ZNF331: variants seen among roughly 807,000 people sequenced by gnomAD.
ZNF331 encodes the protein zinc finger protein 331, also known as C2H2-like zinc finger protein rearranged in thyroid adenomas.
ZNF331 carries 2 observed loss-of-function variants against 7.0 expected under a neutral mutation model. The ratio of observed to expected loss-of-function variants is 0.29; its 90% CI spans 0.12 to 0.90. The LOEUF (loss-of-function observed/expected upper bound fraction) is 0.90, where lower values mean the gene tolerates loss of function less well. Among genes scored for constraint, ZNF331 ranks in the 40% least tolerant of loss-of-function variants. The pLI is 0.58. For missense variants in ZNF331, 432 were observed against 587.7 expected (o/e 0.74, Z 2.74); for synonymous variants, 196 against 205.4 (o/e 0.95, Z 0.39).
At chr19:53,520,497 G>A (rs2087025417), upstream of ZNF331, among the ~76,000 whole-genome samples, 1 of 152,214 alleles carries the variant, frequency 6.6e-6, no homozygotes, top group African/African-American at 2.4e-5. Context: ...AGCAAGCAAA[G>A]TTTCAGGGCA....
At position 53,576,957 on chromosome 19, in the gene ZNF331, T is replaced by C; in HGVS notation, c.397T>C (p.Cys133Arg). 1 of 1,614,238 alleles carries C rather than the reference T, an allele frequency of 6.2e-7. No individual in the cohort carries two copies. Among genetic ancestry groups the C allele is most frequent in the Non-Finnish European group, 8.5e-7 (1 of 1,180,050 alleles). Residue 133 changes from cysteine (C) to arginine (R), a missense_variant, in exon 6 of 6, where the codon TGT (cysteine) becomes CGT (arginine). Cys to Arg is a radical substitution (Grantham distance 180). This residue lies in a region of ZNF331 where 312 missense variants were observed against 448.6 expected (regional missense o/e 0.70). Coordinates refer to ENST00000449416, the MANE Select transcript of ZNF331 (RefSeq NM_001079906.2). ...QRHHKENSFECKDCGKAFSRG... is the reference protein window; with the variant it reads ...QRHHKENSFERKDCGKAFSRG... ...ACATCATAAGGAGAATTCCTTTGAA[T>C]GTAAGGACTGTGGGAAGGCCTTTAG...
chr19:53,545,818 G>A (rs925614796), intron 2 of ZNF331, among the ~76,000 whole-genome samples: 86 of 152,186 alleles, frequency 5.7e-4, no homozygotes, highest in African/African-American at 2.0e-3. Flanking sequence ...AGCCGGACGT[G>A]TTCTCCGTAC....
intron 2 of ZNF331, among the ~76,000 whole-genome samples, chr19:53,551,291 T>G (rs1351174818): frequency 6.6e-6 from 1 of 152,188 alleles, no homozygotes; most frequent in Non-Finnish European, 1.5e-5. Flanking sequence ...GTTAATCATA[T>G]TTGGTATATA....
Position 53,577,679 on chromosome 19 carries a change from C to T in ZNF331, c.1119C>T (p.His373=), listed in dbSNP as rs373832810. The part of the protein sequence containing the change: ...AFNCGYHLTQ[H]ERIHTGETPY... Reference sequence around the variant, plus strand: ...ATTGTGGCTATCACCTCACTCAGCACGAGAGAATCCACACAGGCGAAACCC... The same window carrying T: ...ATTGTGGCTATCACCTCACTCAGCATGAGAGAATCCACACAGGCGAAACCC... The change falls in exon 6 of 6, where the codon CAC becomes CAT. Residue 373 remains histidine, a synonymous_variant. Coordinates refer to ENST00000449416, the MANE Select transcript of ZNF331 (RefSeq NM_001079906.2). 5.5e-5 allele frequency: 88 copies of T among 1,613,500 alleles called. No individual in the cohort carries two copies. Among genetic ancestry groups the T allele is most frequent in the African/African-American group, 9.4e-5 (7 of 74,700 alleles).
At chr19:53,559,870 C>T (rs141012535) in intron 3 of ZNF331, among the ~76,000 whole-genome samples, 12 of 151,142 alleles carry the variant, frequency 7.9e-5, no homozygotes, top group Admixed American at 5.9e-4. Flanking sequence ...CATACACACA[C>T]GAGCATATAC....
intron 2 of ZNF331, among the ~76,000 whole-genome samples, chr19:53,533,062 T>C (rs907233746): frequency 1.3e-5 from 2 of 152,068 alleles, no homozygotes; most frequent in African/African-American, 4.8e-5. Flanking sequence ...GTGTCATTTG[T>C]TCTTTTTCGA....
At chr19:53,520,547 CCA>C, upstream of ZNF331, among the ~76,000 whole-genome samples, 1 of 152,162 alleles carries the variant, frequency 6.6e-6, no homozygotes, top group Non-Finnish European at 1.5e-5. Flanking sequence ...GAAGATTCTG[CCA>C]GTCTGAAATA....
chr19:53,509,043 G>A, the ZNF331 span, among the ~76,000 whole-genome samples: 10 of 152,096 alleles, frequency 6.6e-5, no homozygotes, highest in Admixed American at 2.0e-4. Context: ...CCCAGAAAGA[G>A]TCTCCCTGGA....
At chr19:53,569,444 T>C (rs2090331754) in intron 4 of ZNF331, 59 bp downstream of exon 4, 2 of 1,591,364 alleles carry the variant, frequency 1.3e-6, no homozygotes, top group East Asian at 4.5e-5. Context: ...GTGCATCTGC[T>C]TGTGAATTAT....
chr19:53,515,528 G>A (rs561315099), upstream of ZNF331, among the ~76,000 whole-genome samples: 28 of 152,110 alleles, frequency 1.8e-4, no homozygotes, highest in Non-Finnish European at 2.4e-4. Context: ...ACGGAGTTTC[G>A]TTCTTGTTGC....
At chr19:53,549,452 G>C (rs1288353062) in intron 2 of ZNF331, among the ~76,000 whole-genome samples, 1 of 152,154 alleles carries the variant, frequency 6.6e-6, no homozygotes, top group East Asian at 1.9e-4. Context: ...TGGAGCTAGG[G>C]TTTTTAAGGG....
In ZNF331 at chr19:53,573,105, G is replaced by A. The variant is rs2090543292; in HGVS notation, c.136+1375G>A. Among the ~76,000 whole-genome samples the A allele has an allele frequency of 6.6e-6, 1 of 152,096 alleles. No individual in the cohort carries two copies. Among genetic ancestry groups the A allele is most frequent in the African/African-American group, 2.4e-5 (1 of 41,428 alleles). On this transcript the variant is annotated intron_variant, in intron 5 of 5. Transcript: ENST00000449416. The surrounding 1 kb of genome is among the most constrained non-coding windows in gnomAD (Gnocchi z 4.2). Reference sequence around the variant, plus strand: ...ATGGTGGCGCACGCCTGTGATCTCAGCTACTCCGGAGGCTGGTGCAGGAGA... The same window carrying A: ...ATGGTGGCGCACGCCTGTGATCTCAACTACTCCGGAGGCTGGTGCAGGAGA...
chr19:53,535,593 G>A (rs950940239), upstream of ZNF331, among the ~76,000 whole-genome samples: 3 of 152,166 alleles, frequency 2.0e-5, no homozygotes, highest in African/African-American at 7.2e-5. Context: ...CATTATGTCT[G>A]TGTGCATGTG....
chr19:53,510,523 ATG>A, the ZNF331 span, among the ~76,000 whole-genome samples: 43 of 151,602 alleles, frequency 2.8e-4, no homozygotes, highest in Non-Finnish European at 5.0e-4. Flanking sequence ...TCACTTTGTA[ATG>A]TGTCTTATGC....
intron 2 of ZNF331, among the ~76,000 whole-genome samples, chr19:53,547,692 T>G (rs555900861): frequency 6.6e-6 from 1 of 152,324 alleles, no homozygotes; most frequent in African/African-American, 2.4e-5. Flanking sequence ...TTATTTTTTT[T>G]GTTTGTTTTT....
At chr19:53,546,809 T>G (rs2088648794) in intron 2 of ZNF331, among the ~76,000 whole-genome samples, 1 of 152,226 alleles carries the variant, frequency 6.6e-6, no homozygotes, top group Admixed American at 6.5e-5. Context: ...TTTTTCAATA[T>G]GCAGTAAATC....
chr19:53,552,951 G>A (rs1470466949), intron 2 of ZNF331, among the ~76,000 whole-genome samples: 2 of 152,046 alleles, frequency 1.3e-5, no homozygotes, highest in Admixed American at 1.3e-4. Flanking sequence ...AACTGTTAGA[G>A]CTCAGATTCA....
Position 53,570,840 on chromosome 19 carries a change from CTTCTTTTCTT to C in ZNF331, c.10-746_10-737del, listed in dbSNP as rs1157668837. ...AGCCACCACACCCAGCAAACCCTAT[CTTCTTTTCTT>C]TTCTTTTCTTTTCTTTTTTTTTTTG... On this transcript the variant is annotated intron_variant, in intron 4 of 5. Coordinates refer to ENST00000449416, the MANE Select transcript of ZNF331 (RefSeq NM_001079906.2). Among the ~76,000 whole-genome samples the C allele has an allele frequency of 6.9e-5, 10 of 145,564 alleles. No individual in the cohort carries two copies. The East Asian group carries it at 8.2e-4, about 12-fold the overall frequency.
intron 2 of ZNF331, among the ~76,000 whole-genome samples, chr19:53,550,494 T>G (rs935248533): frequency 2.7e-5 from 4 of 149,964 alleles, no homozygotes; most frequent in Non-Finnish European, 5.9e-5. Context: ...ATTCTTTGCC[T>G]CTCTTTACAG....
Sources: gnomAD v4.1 joint callset for allele counts (sites outside exome capture counted in the v4.1 genomes callset) on GRCh38, gnomAD v4.1.1 for gene constraint, gnomAD v4.1.1 regional missense constraint, Gnocchi (gnomAD v3.1) non-coding constraint, MANE v1.5 for transcripts, NCBI Gene and HGNC (gene_info 2026-07-23, HGNC 2026-07-21) for gene names.